Variants in MACROD2 observed in about 807,000 individuals in gnomAD.
MACROD2 encodes the protein mono-ADP ribosylhydrolase 2, also known as ADP-ribose glycohydrolase MACROD2.
Under a neutral mutation model 70.4 loss-of-function variants are expected in MACROD2, and 36 were observed. The observed-to-expected ratio is 0.51, with a 90% CI of 0.39 to 0.68. The LOEUF is 0.68. Among genes scored for constraint, MACROD2 ranks in the 30% least tolerant of loss-of-function variants. The probability of loss-of-function intolerance (pLI) is 0.00; values close to 1 mark genes in which losing one functional copy is unlikely to be tolerated. For missense variants in MACROD2, 496 were observed against 538.4 expected (o/e 0.92, Z 0.78); for synonymous variants, 172 against 178.8 (o/e 0.96, Z 0.30).
At chr20:14,563,126 C>T (rs1434004608) in intron 4 of MACROD2, among the ~76,000 whole-genome samples, 2 of 151,754 alleles carry the variant, frequency 1.3e-5, no homozygotes, top group South Asian at 2.1e-4. Flanking sequence ...CCTCACATTC[C>T]AGCCCTCCTA....
chr20:14,431,734 C>T (rs961519555), intron 3 of MACROD2, among the ~76,000 whole-genome samples: 3 of 152,108 alleles, frequency 2.0e-5, no homozygotes, highest in African/African-American at 7.2e-5. Context: ...AGTGCTCTGC[C>T]TTTAAGATGA....
At chr20:14,089,375 C>T (rs1000675829) in intron 3 of MACROD2, among the ~76,000 whole-genome samples, 3 of 152,160 alleles carry the variant, frequency 2.0e-5, no homozygotes, top group Non-Finnish European at 2.9e-5. Flanking sequence ...GCTGCCTCTA[C>T]TGAGAGGGGG....
At position 15,244,965 on chromosome 20, in the gene MACROD2, G is replaced by A. The variant is rs540673261; in HGVS notation, c.540+14904G>A. ...CTTATAAGAGTTACTTCAAATTCAA[G>A]ATCAGCAGAACTCTCCATAAAATTA... On this transcript the variant is annotated intron_variant, in intron 6 of 17. Coordinates refer to ENST00000684519, the MANE Select transcript of MACROD2 (RefSeq NM_001351661.2). Among the ~76,000 whole-genome samples, 2 of 152,274 alleles carry A rather than the reference G, an allele frequency of 1.3e-5. 1 individual carries two copies. The highest frequency in any genetic ancestry group is 4.1e-4 in the South Asian group (2 of 4,822).
intron 4 of MACROD2, among the ~76,000 whole-genome samples, chr20:14,502,361 G>A (rs1456052768): frequency 6.6e-6 from 1 of 152,142 alleles, no homozygotes; most frequent in Non-Finnish European, 1.5e-5. Context: ...GTTCTTGATG[G>A]CAACAAATTC....
rs530477008 is a variant in MACROD2, at chr20:14,131,965, A to G, written c.271+46237A>G. On this transcript the variant is annotated intron_variant, in intron 3 of 17. Transcript: ENST00000684519. ...GCCAACACGGTGAAACCCCGTCTCT[A>G]CTAAAAATACAAAAAATTAGCTGGG... 2.0e-5 allele frequency among the ~76,000 whole-genome samples: 3 copies of G among 152,056 alleles called. No individual in the cohort carries two copies. The South Asian group carries it at 6.2e-4, about 32-fold the overall frequency.
chr20:15,477,881 C>T (rs747050178), intron 7 of MACROD2, among the ~76,000 whole-genome samples: 14 of 151,978 alleles, frequency 9.2e-5, no homozygotes, highest in African/African-American at 2.4e-4. Context: ...GACAATGCAC[C>T]GTAACAGCAG....
chr20:15,834,998 C>T (rs1324511438), intron 8 of MACROD2, among the ~76,000 whole-genome samples: 3 of 152,164 alleles, frequency 2.0e-5, no homozygotes, highest in African/African-American at 7.2e-5. Context: ...TCTTGTGTAC[C>T]TCTCCCTCTG....
At chr20:15,279,844 T>C (rs1489038382) in intron 6 of MACROD2, among the ~76,000 whole-genome samples, 1 of 152,144 alleles carries the variant, frequency 6.6e-6, no homozygotes, top group Non-Finnish European at 1.5e-5. Flanking sequence ...GCAAAAAAAT[T>C]GACAAATTCT....
intron 8 of MACROD2, among the ~76,000 whole-genome samples, chr20:15,556,414 C>T (rs1235309726): frequency 6.6e-6 from 1 of 151,956 alleles, no homozygotes; most frequent in African/African-American, 2.4e-5. Flanking sequence ...TTTGCTTAAA[C>T]TGAAGCTGTT....
intron 10 of MACROD2, among the ~76,000 whole-genome samples, chr20:15,931,794 A>G (rs1339255777): frequency 1.3e-5 from 2 of 152,030 alleles, no homozygotes; most frequent in South Asian, 2.1e-4. Flanking sequence ...TCCTTCTATT[A>G]TAAACTTTTT....
intron 15 of MACROD2, among the ~76,000 whole-genome samples, chr20:16,023,578 C>T (rs971438874): frequency 1.3e-5 from 2 of 151,434 alleles, no homozygotes; most frequent in African/African-American, 4.8e-5. Context: ...GGGAGGCAAT[C>T]CGAGGAAGCA....
intron 7 of MACROD2, among the ~76,000 whole-genome samples, chr20:15,479,924 A>G (rs1057363496): frequency 5.9e-5 from 9 of 152,254 alleles, no homozygotes; most frequent in Admixed American, 4.6e-4. Context: ...ATGAATATGC[A>G]GAGATATGTT....
At chr20:14,900,400 T>C (rs1394810174) in intron 5 of MACROD2, among the ~76,000 whole-genome samples, 1 of 152,142 alleles carries the variant, frequency 6.6e-6, no homozygotes. Context: ...CTTCAAAGTA[T>C]TTAATAGTAG....
intron 7 of MACROD2, among the ~76,000 whole-genome samples, chr20:15,453,992 A>T (rs554522559): frequency 2.5e-4 from 38 of 152,246 alleles, no homozygotes; most frequent in African/African-American, 8.9e-4. Context: ...CTCCCACGCA[A>T]TCCGAGCTTT....
rs1157119231 is a variant in MACROD2, at chr20:16,049,813, C to T, written c.1301-17C>T. ...GTCTTATCTTTAATCTAACAAATGG[C>T]TTCTCTTTGTCTTCAGCAGGGGCAC... On this transcript the variant is annotated splice_polypyrimidine_tract_variant and intron_variant, in intron 17 of 17. Coordinates refer to ENST00000684519, the MANE Select transcript of MACROD2 (RefSeq NM_001351661.2). The T allele has an allele frequency of 6.2e-7, 1 of 1,612,962 alleles. No individual in the cohort carries two copies. Among genetic ancestry groups the T allele is most frequent in the Non-Finnish European group, 8.5e-7 (1 of 1,179,286 alleles).
chr20:14,704,422 C>T (rs1178044900), intron 5 of MACROD2, among the ~76,000 whole-genome samples: 5 of 152,138 alleles, frequency 3.3e-5, no homozygotes, highest in Non-Finnish European at 7.4e-5. Flanking sequence ...TCAGTGGGAT[C>T]GGGCTCCAGT....
intron 8 of MACROD2, among the ~76,000 whole-genome samples, chr20:15,848,369 G>C (rs1029679933): frequency 1.3e-5 from 2 of 151,918 alleles, no homozygotes; most frequent in Admixed American, 6.6e-5. Context: ...CAGGGGGAGG[G>C]GGGGGTCATC....
chr20:15,644,345 T>G (rs1030187343), intron 8 of MACROD2, among the ~76,000 whole-genome samples: 1 of 152,200 alleles, frequency 6.6e-6, no homozygotes, highest in Non-Finnish European at 1.5e-5. Context: ...TGGTAGACTG[T>G]GGAGCCAAGG....
chr20:15,594,027 CT>C (rs991933475), intron 8 of MACROD2, among the ~76,000 whole-genome samples: 8 of 152,064 alleles, frequency 5.3e-5, no homozygotes, highest in Admixed American at 3.9e-4. Context: ...ACATATCTAT[CT>C]GTGTGTTCTT....
Sources: gnomAD v4.1 joint callset for allele counts (sites outside exome capture counted in the v4.1 genomes callset) on GRCh38, gnomAD v4.1.1 for gene constraint, MANE v1.5 for transcripts, NCBI Gene and HGNC (gene_info 2026-07-23, HGNC 2026-07-21) for gene names.